Variants in BNC2 observed in about 807,000 individuals in gnomAD.
The protein encoded by BNC2 is zinc finger protein basonuclin-2.
Under a neutral mutation model 76.3 loss-of-function variants are expected in BNC2, and 20 were observed. That is an observed-to-expected ratio of 0.26 (90% confidence interval 0.18 to 0.38). The LOEUF (loss-of-function observed/expected upper bound fraction) is 0.38. BNC2 is among the 10% of genes least tolerant of loss of function. The pLI, the probability that BNC2 is intolerant of heterozygous loss-of-function variation, is 1.00. For missense variants in BNC2, 1,382 were observed against 1,399.8 expected (o/e 0.99, Z 0.20); for synonymous variants, 582 against 514.8 (o/e 1.13, Z -1.77).
chr9:16,643,147 A>G (rs977563379), intron 3 of BNC2, among the ~76,000 whole-genome samples: 1 of 151,926 alleles, frequency 6.6e-6, no homozygotes, highest in African/African-American at 2.4e-5. Context: ...TGGGATTAAA[A>G]CGTATGAGGT....
At chr9:16,736,498 C>G in intron 2 of BNC2, among the ~76,000 whole-genome samples, 1 of 144,572 alleles carries the variant, frequency 6.9e-6, no homozygotes, top group Non-Finnish European at 1.5e-5. Context: ...TTTTTTGAGA[C>G]AGAGTCTTGC....
intron 1 of BNC2, among the ~76,000 whole-genome samples, chr9:16,811,608 G>A (rs1818057063): frequency 1.3e-5 from 2 of 149,532 alleles, no homozygotes. Flanking sequence ...CCATGTGAAG[G>A]CTAGACATGG....
intron 5 of BNC2, among the ~76,000 whole-genome samples, chr9:16,471,804 C>A (rs1200620630): frequency 6.6e-6 from 1 of 152,104 alleles, no homozygotes; most frequent in African/African-American, 2.4e-5. Context: ...CCACCAAAAT[C>A]TCAACTTGAG....
intron 1 of BNC2, among the ~76,000 whole-genome samples, chr9:16,746,728 C>T (rs1294585303): frequency 2.6e-5 from 4 of 151,290 alleles, no homozygotes; most frequent in African/African-American, 7.2e-5. Flanking sequence ...TTTTGGAGGC[C>T]GAGGCAGGCG....
chr9:16,806,350 G>C (rs550561601), intron 1 of BNC2, among the ~76,000 whole-genome samples: 1 of 152,200 alleles, frequency 6.6e-6, no homozygotes, highest in Admixed American at 6.5e-5. Context: ...CTGGGTGACA[G>C]AGTGAGGCTT....
At chr9:16,863,242 C>T (rs549328840) in intron 1 of BNC2, among the ~76,000 whole-genome samples, 4 of 152,258 alleles carry the variant, frequency 2.6e-5, no homozygotes, top group East Asian at 1.9e-4. Context: ...ACAGTACTTC[C>T]GCCCGCTGGC....
At chr9:16,593,971 G>A (rs1820000244) in intron 3 of BNC2, among the ~76,000 whole-genome samples, 1 of 151,938 alleles carries the variant, frequency 6.6e-6, no homozygotes, top group Non-Finnish European at 1.5e-5. Context: ...GTATTCCATT[G>A]ATATATATTT....
intron 3 of BNC2, among the ~76,000 whole-genome samples, chr9:16,679,477 CAT>C (rs1460190106): frequency 6.6e-6 from 1 of 152,188 alleles, no homozygotes; most frequent in African/African-American, 2.4e-5. Context: ...CTGCTAGACA[CAT>C]GTGCATGGCA....
intron 1 of BNC2, among the ~76,000 whole-genome samples, chr9:16,816,961 G>A (rs1441287371): frequency 1.3e-5 from 2 of 152,170 alleles, no homozygotes; most frequent in African/African-American, 4.8e-5. Context: ...AAGGACTTTT[G>A]TGTCACTGGC....
At chr9:16,480,941 G>A (rs1038403397) in intron 5 of BNC2, among the ~76,000 whole-genome samples, 1 of 152,228 alleles carries the variant, frequency 6.6e-6, no homozygotes, top group Non-Finnish European at 1.5e-5. Context: ...GCCTGGTGCG[G>A]GATCCACTGG....
chr9:16,632,968 T>C (rs78559292), intron 3 of BNC2, among the ~76,000 whole-genome samples: 2,100 of 152,196 alleles, frequency 0.014, 42 homozygotes, highest in African/African-American at 0.046. Context: ...GAACTGATCA[T>C]ATTAAAATCC....
chr9:16,783,086 T>C (rs548273485), intron 1 of BNC2, among the ~76,000 whole-genome samples: 14 of 152,254 alleles, frequency 9.2e-5, no homozygotes, highest in African/African-American at 3.1e-4. Flanking sequence ...GAAAGTTAAA[T>C]ATATCCAATA....
intron 3 of BNC2, among the ~76,000 whole-genome samples, chr9:16,672,315 G>C (rs1008752228): frequency 6.6e-6 from 1 of 152,130 alleles, no homozygotes; most frequent in Non-Finnish European, 1.5e-5. Context: ...GGCTAACACG[G>C]TGAAACCCCG....
intron 3 of BNC2, among the ~76,000 whole-genome samples, chr9:16,613,987 A>G (rs1820624999): frequency 6.6e-6 from 1 of 152,226 alleles, no homozygotes; most frequent in Non-Finnish European, 1.5e-5. Context: ...GCCACAAAAG[A>G]AAGGAATGAA....
At chr9:16,422,587 T>A (rs991046644) in intron 6 of BNC2, among the ~76,000 whole-genome samples, 1 of 152,298 alleles carries the variant, frequency 6.6e-6, no homozygotes, top group East Asian at 1.9e-4. Flanking sequence ...AAATGCCATA[T>A]GCAAAACACT....
intron 3 of BNC2, among the ~76,000 whole-genome samples, chr9:16,693,168 G>C (rs537876517): frequency 3.3e-5 from 5 of 150,348 alleles, no homozygotes; most frequent in African/African-American, 1.2e-4. Context: ...TGGGGGATGA[G>C]GGGGTGAGAG....
chr9:16,666,181 A>T (rs1038260029), intron 3 of BNC2, among the ~76,000 whole-genome samples: 2 of 151,654 alleles, frequency 1.3e-5, no homozygotes, highest in East Asian at 1.9e-4. Flanking sequence ...CATAAAATAC[A>T]TTTTTTTTTC....
At chr9:16,635,811 G>C (rs1821306092) in intron 3 of BNC2, among the ~76,000 whole-genome samples, 1 of 152,172 alleles carries the variant, frequency 6.6e-6, no homozygotes, top group Non-Finnish European at 1.5e-5. Flanking sequence ...GTTTTTAAAA[G>C]TAAAGGTTTC....
chr9:16,668,387 C>T (rs1214715632), intron 3 of BNC2, among the ~76,000 whole-genome samples: 2 of 152,188 alleles, frequency 1.3e-5, no homozygotes, highest in Non-Finnish European at 2.9e-5. Flanking sequence ...ACCATTGTGA[C>T]ACTCTGGGCC....
Sources: gnomAD v4.1 joint callset for allele counts (sites outside exome capture counted in the v4.1 genomes callset) on GRCh38, gnomAD v4.1.1 for gene constraint, MANE v1.5 for transcripts, NCBI Gene and HGNC (gene_info 2026-07-23, HGNC 2026-07-21) for gene names.